The following POTEB3 variants were observed in gnomAD, a reference collection of about 807,000 sequenced individuals.
POTEB3 encodes the protein POTE ankyrin domain family member B3.
A neutral mutation model predicts 39.8 loss-of-function variants in POTEB3; 5 were observed. The observed-to-expected ratio is 0.13, with a 90% CI of 0.07 to 0.26. The LOEUF (loss-of-function observed/expected upper bound fraction) is 0.26. Among genes scored for constraint, POTEB3 ranks in the 10% least tolerant of loss-of-function variants. The pLI is 1.00. For synonymous variants in POTEB3, 5 were observed against 161.5 expected (o/e 0.03, Z 7.35); for missense variants, 24 against 475.6 (o/e 0.05, Z 8.83).
rs1174760162 is a variant in POTEB3, at chr15:21,407,700, AGAG to A, written c.*1280_*1282del. 8.6e-5 allele frequency among the ~76,000 whole-genome samples: 7 copies of A among 81,776 alleles called. No homozygotes were observed. Among genetic ancestry groups the A allele is most frequent in the Non-Finnish European group, 1.5e-4 (7 of 46,246 alleles). The allele number at this position is 81,776 out of a possible 152,430, so 53.6% of individuals were successfully genotyped here. On this transcript the variant is annotated 3_prime_UTR_variant, in exon 11 of 11. Transcript: ENST00000611217. Reference sequence around the variant, plus strand: ...GACTGCCCAGCAGAGATCAGGTCTCAGAGGAGAACTCTCTCAAAAGTGAATCCT... The same window carrying A: ...GACTGCCCAGCAGAGATCAGGTCTCAGAGAACTCTCTCAAAAGTGAATCCT...
intron 6 of POTEB3, among the ~76,000 whole-genome samples, chr15:21,423,133 G>T (rs1176174093): frequency 1.9e-4 from 27 of 142,064 alleles, no homozygotes; most frequent in Non-Finnish European, 3.6e-4. Context: ...CTGGGGTCTT[G>T]CTCTGTCACC....
intron 6 of POTEB3, chr15:21,425,387 C>T (rs1234830446): frequency 1.7e-4 from 19 of 113,758 alleles, no homozygotes; most frequent in African/African-American, 5.0e-4. Context: ...AGCTTGCTAA[C>T]CCATTTTACA....
intron 6 of POTEB3, among the ~76,000 whole-genome samples, chr15:21,422,692 C>A (rs1359444601): frequency 6.7e-6 from 1 of 149,514 alleles, no homozygotes; most frequent in African/African-American, 2.5e-5. Context: ...AATTCCTTTA[C>A]CATCTCCCCT....
At chr15:21,433,334 C>A (rs1389808723) in intron 3 of POTEB3, among the ~76,000 whole-genome samples, 1 of 150,462 alleles carries the variant, frequency 6.6e-6, no homozygotes, top group Non-Finnish European at 1.5e-5. Context: ...GCAATCCTCC[C>A]ACCTCAGCCT....
chr15:21,421,923 A>G, intron 7 of POTEB3, among the ~76,000 whole-genome samples, 197 bp downstream of exon 7: 1 of 151,938 alleles, frequency 6.6e-6, no homozygotes, highest in Non-Finnish European at 1.5e-5. Context: ...TCAAGTTAGA[A>G]TTTATTAATT....
At chr15:21,411,112 C>T in intron 9 of POTEB3, 111 bp from the exon 10 acceptor site, 2 of 734,332 alleles carry the variant, frequency 2.7e-6, no homozygotes, top group South Asian at 2.1e-5. Context: ...GCACATTAAT[C>T]CAAGACAAGG....
intron 6 of POTEB3, among the ~76,000 whole-genome samples, chr15:21,427,006 A>G (rs1412817928): frequency 6.8e-6 from 1 of 146,820 alleles, no homozygotes; most frequent in Non-Finnish European, 1.5e-5. Flanking sequence ...GGAGGAATGA[A>G]GTCAGTAAGA....
Position 21,407,575 on chromosome 15 carries a change from C to A in POTEB3, c.*1408G>T, listed in dbSNP as rs1326384669. Among the ~76,000 whole-genome samples, 4 of 87,282 alleles carry A rather than the reference C, an allele frequency of 4.6e-5. 1 individual carries two copies. The highest frequency in any genetic ancestry group is 8.2e-5 in the Non-Finnish European group (4 of 48,926). 57.3% of individuals were successfully genotyped at this position (87,282 alleles called of 152,430 possible). A position where few individuals can be genotyped will look rare whatever the true frequency, so the allele number is the denominator to read the frequency against. ...TGTACAGAAGCTATGGTGTGGGCAC[C>A]CAAAAGTGCCCTCTAAGCAGGTGTG... On this transcript the variant is annotated 3_prime_UTR_variant, in exon 11 of 11. Transcript: ENST00000611217.
At chr15:21,409,948 G>A (rs1898289833) in intron 10 of POTEB3, among the ~76,000 whole-genome samples, 1 of 94,602 alleles carries the variant, frequency 1.1e-5, no homozygotes, top group Non-Finnish European at 2.0e-5. Context: ...ACTCCAGCGT[G>A]GGTGACAGTG....
intron 10 of POTEB3, 74 bp downstream of exon 10, chr15:21,410,804 T>C (rs2141343172): frequency 1.3e-6 from 1 of 787,656 alleles, no homozygotes; most frequent in Admixed American, 3.2e-5. Context: ...AAAAATCCTT[T>C]ATACCTTCCA....
rs59893004 is a variant in POTEB3 at position 21,409,976 on chromosome 15, TACACAC to T, written c.1534-787_1534-782del. 1.8e-4 allele frequency among the ~76,000 whole-genome samples: 15 copies of T among 82,370 alleles called. 1 individual carries two copies. In the East Asian group the frequency reaches 2.7e-3, roughly 15 times the overall value. The allele number at this position is 82,370 out of a possible 152,430, so 54.0% of individuals were successfully genotyped here. On this transcript the variant is annotated intron_variant, in intron 10 of 10. Transcript: ENST00000611217. ...TGACAGTGCAAGACTCCATCTAGAATACACACACACACACACACACACACACATATA... is the reference window on the plus strand; with the variant it reads ...TGACAGTGCAAGACTCCATCTAGAATACACACACACACACACACACATATA...
intron 3 of POTEB3, among the ~76,000 whole-genome samples, chr15:21,434,036 C>CAT (rs1428930006): frequency 8.7e-6 from 1 of 114,912 alleles, no homozygotes; most frequent in Non-Finnish European, 1.8e-5. Flanking sequence ...TAACAACACA[C>CAT]ACACACACAC....
At chr15:21,434,042 CACACACACACACACACACACACAA>C (rs1490989206) in intron 3 of POTEB3, among the ~76,000 whole-genome samples, 2 of 122,128 alleles carry the variant, frequency 1.6e-5, no homozygotes, top group African/African-American at 7.3e-5. Flanking sequence ...CACACACACA[CACACACACACACACACACACACAA>C]ACAAAAACAA....
chr15:21,422,885 C>A lies in POTEB3; in HGVS notation c.1127-695G>T, dbSNP rs1898563252. 2.0e-5 allele frequency among the ~76,000 whole-genome samples: 3 copies of A among 149,204 alleles called. No homozygotes were observed. In the South Asian group the frequency reaches 6.4e-4, roughly 32 times the overall value. On this transcript the variant is annotated intron_variant, in intron 6 of 10. Transcript: ENST00000611217. ...ATATAAGCCAAGCCCTGTCTTTGTT[C>A]AGGGCTCAGCTTTTTGATGCAAATC...
chr15:21,433,716 T>C (rs1291320187), intron 3 of POTEB3, among the ~76,000 whole-genome samples: 1 of 149,396 alleles, frequency 6.7e-6, no homozygotes, highest in Non-Finnish European at 1.5e-5. Flanking sequence ...TTTTTACTTA[T>C]AAGCCCCTTA....
rs1419649342 is a variant in POTEB3 at position 21,407,502 on chromosome 15, G to A, written c.*1481C>T. On this transcript the variant is annotated 3_prime_UTR_variant, in exon 11 of 11. Coordinates refer to ENST00000611217, the MANE Select transcript of POTEB3 (RefSeq NM_207355.5). Reference sequence around the variant, plus strand: ...GTAATGTGCAGGCTGGTACGTGGCTGTAGAGGTCACCTTGCTGCAGCTCTC... The same window carrying A: ...GTAATGTGCAGGCTGGTACGTGGCTATAGAGGTCACCTTGCTGCAGCTCTC... Among the ~76,000 whole-genome samples, 30 of 87,874 alleles carry A rather than the reference G, an allele frequency of 3.4e-4. 1 individual carries two copies. The East Asian group carries it at 8.7e-3, about 26-fold the overall frequency. 57.6% of individuals were successfully genotyped at this position (87,874 alleles called of 152,430 possible). A position where few individuals can be genotyped will look rare whatever the true frequency, so the allele number is the denominator to read the frequency against.
chr15:21,433,797 A>G (rs1370441691), intron 3 of POTEB3, among the ~76,000 whole-genome samples: 7 of 151,362 alleles, frequency 4.6e-5, no homozygotes, highest in African/African-American at 1.5e-4. Context: ...CATTTCTACC[A>G]GAATAGGATA....
At chr15:21,418,034 CA>C (rs1898438114) in intron 9 of POTEB3, among the ~76,000 whole-genome samples, 1 of 102,376 alleles carries the variant, frequency 9.8e-6, no homozygotes, top group Non-Finnish European at 1.8e-5. Flanking sequence ...ATTCACTTTA[CA>C]GTCCATAGAG....
intron 5 of POTEB3, among the ~76,000 whole-genome samples, chr15:21,428,368 C>T (rs1898812467): frequency 6.8e-6 from 1 of 146,442 alleles, no homozygotes; most frequent in Non-Finnish European, 1.5e-5. Context: ...TATGGCTTAT[C>T]ATTCAGGGCA....
Sources: allele counts gnomAD v4.1 joint callset (sites outside exome capture counted in the v4.1 genomes callset), GRCh38; gene constraint gnomAD v4.1.1; transcripts MANE v1.5; gene names NCBI Gene and HGNC (gene_info 2026-07-23, HGNC 2026-07-21).